The following ZNF221 variants were observed in gnomAD, a reference collection of about 807,000 sequenced individuals.
The protein encoded by ZNF221 is zinc finger protein 221.
In ZNF221, 10 loss-of-function variants were observed where a neutral mutation model predicts 12.6. The ratio of observed to expected loss-of-function variants is 0.79; its 90% CI spans 0.49 to 1.34. The LOEUF is 1.34. Ranked by LOEUF, ZNF221 falls within the 40% of genes most tolerant of loss-of-function variation. The pLI is 0.00. For synonymous variants in ZNF221, 232 were observed against 244.0 expected (o/e 0.95, Z 0.46); for missense variants, 661 against 721.4 (o/e 0.92, Z 0.96).
intron 1 of ZNF221, among the ~76,000 whole-genome samples, chr19:43,953,330 A>G (rs574676825): frequency 6.6e-6 from 1 of 151,876 alleles, no homozygotes; most frequent in African/African-American, 2.4e-5. Flanking sequence ...AGAGATGCAT[A>G]GGGCAAGGCA....
chr19:43,973,605 C>T, the ZNF221 span, among the ~76,000 whole-genome samples: 17 of 152,068 alleles, frequency 1.1e-4, no homozygotes, highest in African/African-American at 3.4e-4. Flanking sequence ...TATAAACCAA[C>T]GACAGGCAAG....
chr19:43,965,850 A>G lies in ZNF221; in HGVS notation c.348A>G (p.Pro116=), dbSNP rs375602492. Residue 116 remains proline, a synonymous_variant, in exon 5 of 5, where the codon CCA becomes CCG. Transcript: ENST00000587682. ...IEMETVPEAG[P]HEEWSCQQIW... is the part of the protein sequence containing the mutation. ...TGGAGACTGTTCCAGAAGCAGGACC[A>G]CATGAAGAGTGGTCCTGTCAGCAAA... is the stretch of plus-strand genomic sequence containing the variant. 3.1e-6 allele frequency: 5 copies of G among 1,611,872 alleles called. No individual in the cohort carries two copies. In the African/African-American group the frequency reaches 6.7e-5, roughly 21 times the overall value.
the ZNF221 span, among the ~76,000 whole-genome samples, chr19:43,981,543 G>T: frequency 6.6e-6 from 1 of 152,078 alleles, no homozygotes; most frequent in African/African-American, 2.4e-5. Flanking sequence ...TCCATAAATT[G>T]CAGCACTGTT....
the ZNF221 span, among the ~76,000 whole-genome samples, chr19:43,974,629 G>C: frequency 2.2e-4 from 34 of 151,954 alleles, no homozygotes; most frequent in African/African-American, 7.5e-4. Context: ...TGACAAACAT[G>C]AAAAAAAAGC....
At chr19:43,971,021 G>A (rs907802942), downstream of ZNF221, among the ~76,000 whole-genome samples, 1 of 152,148 alleles carries the variant, frequency 6.6e-6, no homozygotes, top group Admixed American at 6.5e-5. Context: ...AGAATGAAAG[G>A]TCAGGTCCCC....
At position 43,966,521 on chromosome 19, in the gene ZNF221, G is replaced by C; in HGVS notation, c.1019G>C (p.Cys340Ser). 6.2e-7 allele frequency: 1 copy of C among 1,614,184 alleles called. No homozygotes were observed. Among genetic ancestry groups the C allele is most frequent in the Non-Finnish European group, 8.5e-7 (1 of 1,180,026 alleles). ...MVHTGEKPFR[C>S]DTCGKNFRQR... is the part of the protein sequence containing the mutation. Reference sequence around the variant, plus strand: ...CACACAGGAGAAAAACCATTCAGATGTGATACATGTGGCAAGAACTTTCGT... The same window carrying C: ...CACACAGGAGAAAAACCATTCAGATCTGATACATGTGGCAAGAACTTTCGT... The change falls in exon 5 of 5, where the codon TGT becomes TCT. Residue 340 changes from cysteine to serine, a missense_variant. Physicochemically the swap from Cys to Ser is moderately radical, Grantham distance 112 (BLOSUM62 -1). Transcript: ENST00000587682.
downstream of ZNF221, among the ~76,000 whole-genome samples, chr19:43,970,560 A>G (rs1975076155): frequency 6.6e-6 from 1 of 152,222 alleles, no homozygotes; most frequent in Non-Finnish European, 1.5e-5. Flanking sequence ...GCCAGTTTAG[A>G]GAGGAACATA....
intron 4 of ZNF221, 98 bp downstream of exon 4, chr19:43,965,423 C>T: frequency 9.1e-7 from 1 of 1,096,432 alleles, no homozygotes. Context: ...AATTGCCAAA[C>T]TTCTTTCATA....
chr19:43,973,572 A>G, the ZNF221 span, among the ~76,000 whole-genome samples: 1 of 152,214 alleles, frequency 6.6e-6, no homozygotes, highest in African/African-American at 2.4e-5. Context: ...TACAAAATCA[A>G]TGTGCAAAAC....
At chr19:43,976,797 AC>A in the ZNF221 span, 1 of 151,886 alleles carries the variant, frequency 6.6e-6, no homozygotes, top group South Asian at 2.1e-4. Flanking sequence ...ACCTTTACAT[AC>A]TCTTCTTTAT....
intron 1 of ZNF221, among the ~76,000 whole-genome samples, chr19:43,953,504 C>G (rs916267745): frequency 2.0e-5 from 3 of 152,096 alleles, no homozygotes; most frequent in Non-Finnish European, 4.4e-5. Flanking sequence ...CACTGGTGAT[C>G]AGCTTAACCT....
the ZNF221 span, among the ~76,000 whole-genome samples, chr19:43,980,303 C>A: frequency 6.6e-6 from 1 of 152,176 alleles, no homozygotes; most frequent in Non-Finnish European, 1.5e-5. Flanking sequence ...AATTACCTAA[C>A]AGAATCACAT....
intron 1 of ZNF221, among the ~76,000 whole-genome samples, chr19:43,956,245 C>A (rs1229344704): frequency 6.6e-6 from 1 of 152,152 alleles, no homozygotes; most frequent in East Asian, 1.9e-4. Flanking sequence ...TTACTGGTTC[C>A]CATTTAGCAT....
chr19:43,961,615 C>G (rs1974844091), intron 1 of ZNF221, among the ~76,000 whole-genome samples: 1 of 152,068 alleles, frequency 6.6e-6, no homozygotes, highest in Admixed American at 6.6e-5. Context: ...ATTTGTTGTG[C>G]TTTTTAAAGT....
intron 1 of ZNF221, among the ~76,000 whole-genome samples, chr19:43,955,805 C>G (rs578000929): frequency 2.0e-5 from 3 of 152,300 alleles, no homozygotes; most frequent in African/African-American, 7.2e-5. Flanking sequence ...AACTGCCATT[C>G]ACAAAATGAG....
the ZNF221 span, among the ~76,000 whole-genome samples, chr19:43,980,497 T>C: frequency 6.6e-6 from 1 of 152,268 alleles, no homozygotes; most frequent in African/African-American, 2.4e-5. Flanking sequence ...TGGCAACGAC[T>C]AACTCCTATT....
In ZNF221 at chr19:43,967,501, CAG is replaced by C; in HGVS notation, c.*148_*149del. On this transcript the variant is annotated 3_prime_UTR_variant, in exon 5 of 5. Transcript: ENST00000587682. ...ATATCTTTTTTTTTTTTTTTTGAGA[CAG>C]AGTCTCACTCTTTCACCCAGGCCTG... 3 of 646,050 alleles carry C rather than the reference CAG, an allele frequency of 4.6e-6. No homozygotes were observed. The highest frequency in any genetic ancestry group is 5.2e-6 in the Non-Finnish European group (2 of 387,332). 40.0% of individuals were successfully genotyped at this position (646,050 alleles called of 1,614,324 possible).
intron 1 of ZNF221, among the ~76,000 whole-genome samples, chr19:43,957,692 C>G (rs1974778944): frequency 6.6e-6 from 1 of 152,076 alleles, no homozygotes; most frequent in African/African-American, 2.4e-5. Flanking sequence ...TGCCTTTTTC[C>G]TCTTGCTAAT....
rs1231461089 is a variant in ZNF221 at position 43,965,262 on chromosome 19, C to T, written c.238C>T (p.His80Tyr). 2 of 1,613,314 alleles carry T rather than the reference C, an allele frequency of 1.2e-6. No homozygotes were observed. The highest frequency in any genetic ancestry group is 8.5e-7 in the Non-Finnish European group (1 of 1,179,642). ...GNQPFHQDTFHFLGKEKFWKM... is the reference protein window; with the variant it reads ...GNQPFHQDTFYFLGKEKFWKM... ...TCAACCATTCCACCAAGATACTTTCCACTTCTTAGGGAAGGAAAAGTTTTG... is the reference window on the plus strand; with the variant it reads ...TCAACCATTCCACCAAGATACTTTCTACTTCTTAGGGAAGGAAAAGTTTTG... Residue 80 changes from histidine to tyrosine, a missense_variant, in exon 4 of 5, where the codon CAC (histidine) becomes TAC (tyrosine). By Grantham distance (83) the His-to-Tyr change is moderately conservative. Transcript: ENST00000587682.
Sources: gnomAD v4.1 joint callset for allele counts (sites outside exome capture counted in the v4.1 genomes callset) on GRCh38, gnomAD v4.1.1 for gene constraint, MANE v1.5 for transcripts, NCBI Gene and HGNC (gene_info 2026-07-23, HGNC 2026-07-21) for gene names.